Variants in RNASE4 observed in about 807,000 individuals in gnomAD.
RNASE4 encodes ribonuclease 4.
For missense variants in RNASE4, 194 were observed against 192.8 expected, an observed-to-expected ratio of 1.01 and a Z score of -0.04; for synonymous variants, 93 against 71.4, an observed-to-expected ratio of 1.30 and a Z score of -1.52.
At position 20,693,814 on chromosome 14, in the gene RNASE4, A is replaced by G. The variant is rs17560; in HGVS notation, c.-17-5541A>G. The G allele has an allele frequency of 8.6e-4, 1,393 of 1,614,208 alleles. 7 individuals carry two copies. The African/African-American group carries it at 0.014, about 16-fold the overall frequency. On this transcript the variant is annotated intron_variant, in intron 1 of 1. Coordinates refer to ENST00000555835, the MANE Select transcript of RNASE4 (RefSeq NM_002937.5). Reference sequence around the variant, plus strand: ...CAGCATCAAGGCCATCTGTGAAAACAAGAATGGAAACCCTCACAGAGAAAA... The same window carrying G: ...CAGCATCAAGGCCATCTGTGAAAACGAGAATGGAAACCCTCACAGAGAAAA...
chr14:20,688,936 C>G (rs1334093767), intron 1 of RNASE4: 1 of 866,004 alleles, frequency 1.2e-6, no homozygotes, highest in Non-Finnish European at 1.4e-6. Context: ...TTTAATGAAA[C>G]CATTTTCCTC....
intron 1 of RNASE4, among the ~76,000 whole-genome samples, chr14:20,686,739 T>G (rs1309835598): frequency 6.6e-6 from 1 of 152,274 alleles, no homozygotes; most frequent in Non-Finnish European, 1.5e-5. Flanking sequence ...TTGCCACGTG[T>G]GCTTTTCCTT....
Position 20,700,075 on chromosome 14 carries a change from G to T in RNASE4, c.*260G>T. On this transcript the variant is annotated 3_prime_UTR_variant, in exon 2 of 2. Transcript: ENST00000555835. ...GCTTAGCTCTCTCAGATCCTATCCTGTGGAATTTAGTTATTATGTGTATTT... is the reference window on the plus strand; with the variant it reads ...GCTTAGCTCTCTCAGATCCTATCCTTTGGAATTTAGTTATTATGTGTATTT... The T allele has an allele frequency of 2.2e-6, 1 of 455,874 alleles. No individual in the cohort carries two copies. The highest frequency in any genetic ancestry group is 4.1e-6 in the Non-Finnish European group (1 of 246,562). 28.2% of individuals were successfully genotyped at this position (455,874 alleles called of 1,614,324 possible). A position where few individuals can be genotyped will look rare whatever the true frequency, so the allele number is the denominator to read the frequency against.
At chr14:20,698,683 AT>A (rs1434066940) in intron 1 of RNASE4, among the ~76,000 whole-genome samples, 2 of 152,144 alleles carry the variant, frequency 1.3e-5, no homozygotes, top group Non-Finnish European at 2.9e-5. Context: ...AGAATAATAC[AT>A]TTTAAATTAA....
chr14:20,686,079 G>A (rs1006638410), intron 1 of RNASE4, among the ~76,000 whole-genome samples: 1 of 151,172 alleles, frequency 6.6e-6, no homozygotes, highest in African/African-American at 2.4e-5. Flanking sequence ...GCATTGGAAA[G>A]CTTCCAGGCC....
chr14:20,693,797 A>C, intron 1 of RNASE4: 1 of 1,614,214 alleles, frequency 6.2e-7, no homozygotes, highest in Non-Finnish European at 8.5e-7. Context: ...CGCAGCATCA[A>C]GGCCATCTGT....
At position 20,699,745 on chromosome 14, in the gene RNASE4, T is replaced by C. The variant is rs763087802; in HGVS notation, c.374T>C (p.Ile125Thr). The C allele has an allele frequency of 6.2e-7, 1 of 1,611,320 alleles. No homozygotes were observed. The highest frequency in any genetic ancestry group is 8.5e-7 in the Non-Finnish European group (1 of 1,180,040). Residue 125 changes from isoleucine to threonine, a missense_variant, in exon 2 of 2, where the codon ATA becomes ACA. Ile to Thr is a moderately conservative substitution (Grantham distance 89). Coordinates refer to ENST00000555835, the MANE Select transcript of RNASE4 (RefSeq NM_002937.5). The part of the protein sequence containing the change: ...SRAPNCRYRA[I>T]ASTRRVVIAC... ...GCACCCAACTGCAGATATCGGGCCA[T>C]AGCGAGCACTAGACGTGTTGTCATT...
At chr14:20,695,305 G>T (rs1383053153) in intron 1 of RNASE4, among the ~76,000 whole-genome samples, 1 of 150,656 alleles carries the variant, frequency 6.6e-6, no homozygotes, top group Non-Finnish European at 1.5e-5. Flanking sequence ...TGAGGCAGGA[G>T]AATCGCTTGA....
At chr14:20,696,337 C>T (rs1324937696) in intron 1 of RNASE4, among the ~76,000 whole-genome samples, 1 of 152,194 alleles carries the variant, frequency 6.6e-6, no homozygotes, top group African/African-American at 2.4e-5. Flanking sequence ...TTGGTCTGGG[C>T]CTCTTGTTCT....
At chr14:20,699,014 C>A in intron 1 of RNASE4, 1 of 191,484 alleles carries the variant, frequency 5.2e-6, no homozygotes, top group Non-Finnish European at 1.1e-5. Flanking sequence ...AGACACACAA[C>A]TGCAGTTTCA....
intron 1 of RNASE4, among the ~76,000 whole-genome samples, chr14:20,691,043 C>A (rs1436651084): frequency 1.3e-5 from 2 of 152,164 alleles, no homozygotes; most frequent in African/African-American, 4.8e-5. Context: ...TGTCCTTGGT[C>A]TTAATATCTA....
chr14:20,693,173 C>T, intron 1 of RNASE4, among the ~76,000 whole-genome samples: 1 of 152,196 alleles, frequency 6.6e-6, no homozygotes, highest in East Asian at 1.9e-4. Context: ...TAATGTGCCT[C>T]AGGACCTAGC....
intron 1 of RNASE4, among the ~76,000 whole-genome samples, chr14:20,696,766 C>G (rs1887106058): frequency 6.6e-6 from 1 of 151,792 alleles, no homozygotes; most frequent in South Asian, 2.1e-4. Flanking sequence ...CCAATATTTA[C>G]TGAGCATTTA....
chr14:20,692,530 T>A, intron 1 of RNASE4, among the ~76,000 whole-genome samples: 1 of 152,246 alleles, frequency 6.6e-6, no homozygotes, highest in East Asian at 1.9e-4. Context: ...AGCATTAGAT[T>A]CTCATAGGAG....
intron 1 of RNASE4, among the ~76,000 whole-genome samples, chr14:20,696,554 T>A (rs1179621191): frequency 1.3e-5 from 2 of 152,078 alleles, no homozygotes; most frequent in South Asian, 4.1e-4. Flanking sequence ...GAAGAAACAT[T>A]TTTCTAGGAA....
At chr14:20,697,790 C>A (rs866898205) in intron 1 of RNASE4, among the ~76,000 whole-genome samples, 1 of 152,150 alleles carries the variant, frequency 6.6e-6, no homozygotes, top group Non-Finnish European at 1.5e-5. Flanking sequence ...AAAACATTGC[C>A]CTTGCTAATT....
At chr14:20,699,286 T>A in intron 1 of RNASE4, 69 bp from the exon 2 acceptor site, 1 of 1,355,796 alleles carries the variant, frequency 7.4e-7, no homozygotes, top group Non-Finnish European at 1.0e-6. Context: ...GCCGGCTTGC[T>A]ATTCTCAACA....
In RNASE4 at chr14:20,699,428, G is replaced by T. The variant is rs1259714923; in HGVS notation, c.57G>T (p.Gly19=). The change falls in exon 2 of 2, where the codon GGG becomes GGT. Residue 19 remains glycine, a synonymous_variant. Transcript: ENST00000555835. ...LLLLLLLTLL[G]LGLVQPSYGQ... Reference sequence around the variant, plus strand: ...TGCTTTTGCTGCTGACCCTGCTGGGGCTGGGGCTGGTCCAGCCCTCCTATG... The same window carrying T: ...TGCTTTTGCTGCTGACCCTGCTGGGTCTGGGGCTGGTCCAGCCCTCCTATG... 6.2e-7 allele frequency: 1 copy of T among 1,611,430 alleles called. No individual in the cohort carries two copies. The highest frequency in any genetic ancestry group is 2.2e-5 in the East Asian group (1 of 44,804).
chr14:20,693,952 G>T, intron 1 of RNASE4: 1 of 1,614,076 alleles, frequency 6.2e-7, no homozygotes, highest in Non-Finnish European at 8.5e-7. Context: ...CGTTGTTGTT[G>T]CTTGTGAAAA....
Sources: gnomAD v4.1 joint callset for allele counts (sites outside exome capture counted in the v4.1 genomes callset) on GRCh38, gnomAD v4.1.1 for gene constraint, MANE v1.5 for transcripts, NCBI Gene and HGNC (gene_info 2026-07-23, HGNC 2026-07-21) for gene names.